Variants in DMD observed in about 807,000 individuals in gnomAD.
DMD encodes the protein dystrophin.
A neutral mutation model predicts 330.1 loss-of-function variants in DMD; 63 were observed. The ratio of observed to expected loss-of-function variants is 0.19; its 90% CI spans 0.16 to 0.24. DMD has a LOEUF of 0.24. Among genes scored for constraint, DMD ranks in the 10% least tolerant of loss-of-function variants. The pLI is 1.00. For missense variants in DMD, 3,344 were observed against 2,684.1 expected, an observed-to-expected ratio of 1.25 and a Z score of -5.43; for synonymous variants, 1,223 against 959.8, an observed-to-expected ratio of 1.27 and a Z score of -5.07.
intron 42 of DMD, among the ~76,000 whole-genome samples, chrX:32,308,112 T>C (rs139354921): frequency 0.025 from 2,754 of 110,635 alleles, 35 homozygotes; most frequent in Non-Finnish European, 0.04. Context: ...TGTTTGTGTT[T>C]ATCTGCATAG....
chrX:32,538,409 G>A (rs2048192684), intron 17 of DMD, among the ~76,000 whole-genome samples: 1 of 109,839 alleles, frequency 9.1e-6, no homozygotes. Context: ...CTGCCCACAA[G>A]AGAAAAATCC....
chrX:31,494,477 TG>T (rs1355976069), intron 57 of DMD, among the ~76,000 whole-genome samples: 2 of 111,774 alleles, frequency 1.8e-5, no homozygotes, highest in Non-Finnish European at 3.8e-5. Context: ...ATCAATGGGC[TG>T]GAAGTCCTGT....
intron 41 of DMD, among the ~76,000 whole-genome samples, chrX:32,327,925 A>C (rs979556801): frequency 9.8e-5 from 11 of 111,711 alleles, no homozygotes; most frequent in Non-Finnish European, 1.9e-5. Flanking sequence ...TTTACCAAAT[A>C]AAAAATAAAT....
intron 12 of DMD, among the ~76,000 whole-genome samples, chrX:32,599,291 C>A (rs944146635): frequency 4.5e-5 from 5 of 111,492 alleles, no homozygotes; most frequent in African/African-American, 1.6e-4. Context: ...TTACAAGTAG[C>A]AGAAACGCCA....
intron 9 of DMD, among the ~76,000 whole-genome samples, chrX:32,668,174 T>A (rs1237132015): frequency 9.0e-6 from 1 of 110,724 alleles, no homozygotes; most frequent in South Asian, 3.8e-4. Context: ...TACACTTAAA[T>A]GACATACATT....
At chrX:32,118,205 C>T (rs183747951) in intron 44 of DMD, among the ~76,000 whole-genome samples, 94 of 111,795 alleles carry the variant, frequency 8.4e-4, no homozygotes, top group African/African-American at 2.9e-3. Context: ...TCCTATTTTA[C>T]ACAGTAAAGT....
intron 44 of DMD, among the ~76,000 whole-genome samples, chrX:31,972,238 T>C (rs1346250591): frequency 9.0e-6 from 1 of 111,681 alleles, no homozygotes; most frequent in African/African-American, 3.3e-5. Context: ...TCCTAAATTA[T>C]AGAAAATAAC....
At chrX:31,856,229 C>G in intron 48 of DMD, among the ~76,000 whole-genome samples, 1 of 111,757 alleles carries the variant, frequency 8.9e-6, no homozygotes, top group Non-Finnish European at 1.9e-5. Context: ...TAATAAATTC[C>G]TGCCACTTCT....
intron 7 of DMD, among the ~76,000 whole-genome samples, chrX:32,707,085 C>A (rs889690555): frequency 1.2e-4 from 13 of 104,045 alleles, no homozygotes; most frequent in Non-Finnish European, 1.9e-4. Context: ...GAGCAAGACT[C>A]CGTCTCGGAG....
At chrX:31,751,626 C>T (rs916685519) in intron 51 of DMD, among the ~76,000 whole-genome samples, 2 of 111,885 alleles carry the variant, frequency 1.8e-5, no homozygotes, top group Non-Finnish European at 3.8e-5. Flanking sequence ...GCTGGAAATA[C>T]AAATTCATAT....
intron 1 of DMD, among the ~76,000 whole-genome samples, chrX:33,258,001 T>C (rs1238263961): frequency 9.0e-6 from 1 of 111,269 alleles, no homozygotes; most frequent in East Asian, 2.8e-4. Flanking sequence ...CAATTCTTTG[T>C]GTAACCAGTT....
chrX:32,802,248 G>A (rs1315581695), intron 7 of DMD, among the ~76,000 whole-genome samples: 1 of 111,283 alleles, frequency 9.0e-6, no homozygotes, highest in Non-Finnish European at 1.9e-5. Context: ...TGGATTGCTA[G>A]GAATTCTATT....
At chrX:32,376,680 C>T (rs1031906580) in intron 34 of DMD, among the ~76,000 whole-genome samples, 3 of 109,958 alleles carry the variant, frequency 2.7e-5, no homozygotes, top group Admixed American at 9.7e-5. Flanking sequence ...CCCACAGCCA[C>T]GGTAAGGAGG....
intron 44 of DMD, among the ~76,000 whole-genome samples, chrX:32,156,358 G>A (rs1029721537): frequency 3.6e-5 from 4 of 112,312 alleles, no homozygotes; most frequent in African/African-American, 9.7e-5. Context: ...CCAGCCTGGC[G>A]ACAGAGCGAG....
At chrX:32,694,848 G>A (rs2063533323) in intron 9 of DMD, among the ~76,000 whole-genome samples, 1 of 110,921 alleles carries the variant, frequency 9.0e-6, no homozygotes, top group South Asian at 3.9e-4. Flanking sequence ...TAGAGATGGG[G>A]TTTTACCATG....
chrX:32,230,898 TGTTA>T (rs1309937719), intron 43 of DMD, among the ~76,000 whole-genome samples: 1 of 112,198 alleles, frequency 8.9e-6, no homozygotes, highest in East Asian at 2.8e-4. Flanking sequence ...ATATAATTTC[TGTTA>T]TTTAGAAAAT....
intron 1 of DMD, among the ~76,000 whole-genome samples, chrX:33,333,590 A>AG (rs997019716): frequency 9.0e-6 from 1 of 111,052 alleles, no homozygotes; most frequent in Non-Finnish European, 1.9e-5. Flanking sequence ...ATCTTTCCCT[A>AG]GAAAAAAAAT....
intron 44 of DMD, among the ~76,000 whole-genome samples, chrX:32,073,788 GA>G (rs1468994268): frequency 9.0e-6 from 1 of 111,418 alleles, no homozygotes; most frequent in Non-Finnish European, 1.9e-5. Context: ...TATAAATTCT[GA>G]TTTAAACATA....
chrX:31,431,152 A>G (rs765836718), intron 60 of DMD, among the ~76,000 whole-genome samples: 2 of 110,952 alleles, frequency 1.8e-5, no homozygotes, highest in South Asian at 7.8e-4. Context: ...ATCCACCTAC[A>G]CTTGATTTTC....
Sources: allele counts gnomAD v4.1 joint callset (sites outside exome capture counted in the v4.1 genomes callset), GRCh38; gene constraint gnomAD v4.1.1; transcripts MANE v1.5; gene names NCBI Gene and HGNC (gene_info 2026-07-23, HGNC 2026-07-21).